Variants in SENP1 observed in about 807,000 individuals in gnomAD.
SENP1 encodes SUMO specific peptidase 1, also known as sentrin-specific protease 1.
SENP1 carries 21 observed loss-of-function variants against 93.0 expected under a neutral mutation model. The ratio of observed to expected loss-of-function variants is 0.23; its 90% CI spans 0.16 to 0.33. SENP1 has a LOEUF of 0.33. SENP1 is among the 10% of genes least tolerant of loss of function. The pLI is 1.00. For missense variants in SENP1, 591 were observed against 758.7 expected (o/e 0.78, Z 2.60); for synonymous variants, 256 against 259.6 (o/e 0.99, Z 0.13).
chr12:48,096,908 T>C (rs1449427368), intron 3 of SENP1, among the ~76,000 whole-genome samples: 4 of 152,140 alleles, frequency 2.6e-5, no homozygotes, highest in Non-Finnish European at 5.9e-5. Flanking sequence ...ACTTCAAGAC[T>C]AGCAATGGAC....
rs1941166557 is a variant in SENP1, at chr12:48,043,851, A to G, written c.*1471T>C. On this transcript the variant is annotated 3_prime_UTR_variant, in exon 18 of 18. Transcript: ENST00000549518. The stretch of plus-strand genomic sequence containing the variant: ...TGTACTAAACGAGCTTGTATAAAAC[A>G]GTAAAATTTTCAAATAAGCCCAGGG... 1 of 152,680 alleles carries G rather than the reference A, an allele frequency of 6.5e-6. No homozygotes were observed. The allele number at this position is 152,680 out of a possible 1,614,324, so 9.5% of individuals were successfully genotyped here.
chr12:48,088,954 G>A lies in SENP1; in HGVS notation c.227C>T (p.Pro76Leu), dbSNP rs1353676942. The change falls in exon 5 of 18, where the codon CCT (proline) becomes CTT (leucine). Residue 76 changes from proline (P) to leucine (L), a missense_variant. Coordinates refer to ENST00000549518, the MANE Select transcript of SENP1 (RefSeq NM_001267594.2). ...AYNPSYYSDN[P>L]SSDSFLGSGD... is the part of the protein sequence containing the mutation. ...TGAGCCAAGAAAACTGTCTGAGGAA[G>A]GATTATCTAAAAAAATAAAAGTTTG... The A allele has an allele frequency of 6.4e-7, 1 of 1,573,830 alleles. No individual in the cohort carries two copies. The highest frequency in any genetic ancestry group is 2.3e-5 in the East Asian group (1 of 43,498).
chr12:48,086,809 G>A (rs1199027890), intron 5 of SENP1, among the ~76,000 whole-genome samples: 1 of 152,152 alleles, frequency 6.6e-6, no homozygotes, highest in East Asian at 1.9e-4. Flanking sequence ...GGGAGGCCAA[G>A]GAAGGCAGAT....
At chr12:48,074,850 C>A in intron 6 of SENP1, 57 bp from the exon 7 acceptor site, 1 of 1,126,390 alleles carries the variant, frequency 8.9e-7, no homozygotes, top group Non-Finnish European at 1.3e-6. Context: ...GCAAGTATTT[C>A]TCAAACTAGC....
At chr12:48,064,301 A>C (rs914064908) in intron 12 of SENP1, among the ~76,000 whole-genome samples, 5 of 152,204 alleles carry the variant, frequency 3.3e-5, no homozygotes, top group African/African-American at 9.7e-5. Context: ...CAGTACAACT[A>C]TAATAAGTGT....
At chr12:48,101,397 G>T in intron 2 of SENP1, 72 bp downstream of exon 2, 2 of 1,193,806 alleles carry the variant, frequency 1.7e-6, no homozygotes, top group South Asian at 1.4e-5. Context: ...AAAATGTTAG[G>T]AAAACCCATT....
At chr12:48,085,406 C>T (rs1285019962) in intron 5 of SENP1, 14 of 1,194,688 alleles carry the variant, frequency 1.2e-5, no homozygotes, top group East Asian at 9.6e-5. Flanking sequence ...TGTTCACTGC[C>T]GAAGACCTGT....
chr12:48,090,916 A>G (rs1421272717), intron 4 of SENP1, among the ~76,000 whole-genome samples: 1 of 152,164 alleles, frequency 6.6e-6, no homozygotes, highest in African/African-American at 2.4e-5. Flanking sequence ...ATATAGTGAG[A>G]GTTTAACATG....
In SENP1 at chr12:48,066,980, A is replaced by C. The variant is rs1943348065; in HGVS notation, c.996-15T>G. 2 of 1,540,938 alleles carry C rather than the reference A, an allele frequency of 1.3e-6. No individual in the cohort carries two copies. The highest frequency in any genetic ancestry group is 1.8e-6 in the Non-Finnish European group (2 of 1,136,626). On this transcript the variant is annotated splice_polypyrimidine_tract_variant and intron_variant, in intron 9 of 17. Transcript: ENST00000549518. ...AGAAAGTAGAACTATGGGTAGGAAA[A>C]GAAAAATTTGACAAATGAGCAGGAG... is the stretch of plus-strand genomic sequence containing the variant.
Position 48,087,829 on chromosome 12 carries a change from A to G in SENP1, c.380+972T>C, listed in dbSNP as rs535220938. Among the ~76,000 whole-genome samples the G allele has an allele frequency of 3.3e-5, 5 of 152,340 alleles. No individual in the cohort carries two copies. The South Asian group carries it at 1.0e-3, about 32-fold the overall frequency. On this transcript the variant is annotated intron_variant, in intron 5 of 17. Coordinates refer to ENST00000549518, the MANE Select transcript of SENP1 (RefSeq NM_001267594.2). Reference sequence around the variant, plus strand: ...TAAAGCTCAAACTTGACTAAACAGTACACTAAATAATCCCACATTCCTAAA... The same window carrying G: ...TAAAGCTCAAACTTGACTAAACAGTGCACTAAATAATCCCACATTCCTAAA...
Position 48,043,674 on chromosome 12 carries a change from C to T in SENP1, c.*1648G>A, listed in dbSNP as rs1941153642. The T allele has an allele frequency of 6.6e-6, 1 of 152,492 alleles. No individual in the cohort carries two copies. Among genetic ancestry groups the T allele is most frequent in the South Asian group, 2.1e-4 (1 of 4,820 alleles). 9.4% of individuals were successfully genotyped at this position (152,492 alleles called of 1,614,324 possible). On this transcript the variant is annotated 3_prime_UTR_variant, in exon 18 of 18. Transcript: ENST00000549518. ...GAAAGAAAGAGAGAGAAAAAACAAA[C>T]ACACAAAAGGTGGTCTTTCCCCAAA...
chr12:48,105,442 G>C (rs1012768097), intron 1 of SENP1: 3 of 518,946 alleles, frequency 5.8e-6, no homozygotes, highest in Admixed American at 1.9e-5. Context: ...TGGCAGTTAA[G>C]GGGATTTTCA....
At chr12:48,056,335 TTAATATATTACATA>T (rs1228554276) in intron 13 of SENP1, among the ~76,000 whole-genome samples, 1 of 81,278 alleles carries the variant, frequency 1.2e-5, no homozygotes, top group Non-Finnish European at 2.5e-5. Flanking sequence ...TAAATATTAT[TTAATATATTACATA>T]TAATATATTA....
intron 9 of SENP1, among the ~76,000 whole-genome samples, chr12:48,068,014 C>T (rs988123655): frequency 6.6e-6 from 1 of 152,110 alleles, no homozygotes; most frequent in African/African-American, 2.4e-5. Context: ...GCACCCGCCA[C>T]CACACCTGGC....
At chr12:48,084,388 CAAG>C (rs1183738074) in intron 5 of SENP1, among the ~76,000 whole-genome samples, 2 of 149,186 alleles carry the variant, frequency 1.3e-5, no homozygotes, top group Non-Finnish European at 1.5e-5. Context: ...GGCAAATTGG[CAAG>C]AAGAATATTG....
chr12:48,101,848 A>G (rs1945957789), intron 1 of SENP1, among the ~76,000 whole-genome samples: 1 of 152,220 alleles, frequency 6.6e-6, no homozygotes, highest in Admixed American at 6.5e-5. Flanking sequence ...CTACACCGAA[A>G]TTATAACCTA....
intron 4 of SENP1, among the ~76,000 whole-genome samples, chr12:48,095,378 T>G (rs1592468808): frequency 6.6e-6 from 1 of 151,246 alleles, no homozygotes; most frequent in Non-Finnish European, 1.5e-5. Flanking sequence ...TCTACTAAAA[T>G]TACAAAATTT....
chr12:48,062,880 A>G (rs1943051163), intron 13 of SENP1, among the ~76,000 whole-genome samples: 1 of 152,232 alleles, frequency 6.6e-6, no homozygotes, highest in Non-Finnish European at 1.5e-5. Flanking sequence ...GGTCTTGATC[A>G]TACAAAAACA....
intron 5 of SENP1, among the ~76,000 whole-genome samples, chr12:48,084,447 G>GTTTTTTTTTT (rs5798059): frequency 1.0e-4 from 11 of 109,448 alleles, no homozygotes; most frequent in South Asian, 3.1e-4. Flanking sequence ...CTAATTTTGA[G>GTTTTTTTTTT]TTTTTTTTTT....
Sources: gnomAD v4.1 joint callset for allele counts (sites outside exome capture counted in the v4.1 genomes callset) on GRCh38, gnomAD v4.1.1 for gene constraint, MANE v1.5 for transcripts, NCBI Gene and HGNC (gene_info 2026-07-23, HGNC 2026-07-21) for gene names.